The following ASF1B variants were observed in gnomAD, a reference collection of about 807,000 sequenced individuals.
ASF1B encodes the protein histone chaperone ASF1B.
Under a neutral mutation model 16.6 loss-of-function variants are expected in ASF1B, and 10 were observed. That is an observed-to-expected ratio of 0.60 (90% CI 0.37 to 1.02). The LOEUF (loss-of-function observed/expected upper bound fraction) is 1.02. Ranked by LOEUF, ASF1B falls within the 50% of genes least tolerant of loss-of-function variation. The pLI is 0.01. For missense variants in ASF1B, 240 were observed against 266.0 expected (o/e 0.90, Z 0.68); for synonymous variants, 101 against 106.2 (o/e 0.95, Z 0.30).
chr19:14,122,684 C>T (rs1967258713), intron 2 of ASF1B, among the ~76,000 whole-genome samples: 1 of 152,158 alleles, frequency 6.6e-6, no homozygotes. Context: ...GATGGAAACA[C>T]AGAATCAATC....
chr19:14,120,586 T>A lies in ASF1B; in HGVS notation c.482A>T (p.Glu161Val). 6.2e-7 allele frequency: 1 copy of A among 1,614,080 alleles called. No individual in the cohort carries two copies. The highest frequency in any genetic ancestry group is 8.5e-7 in the Non-Finnish European group (1 of 1,180,002). The change falls in exon 4 of 4, where the codon GAG becomes GTG. Residue 161 changes from glutamate (E) to valine (V), a missense_variant. By Grantham distance (121) the Glu-to-Val change is moderately radical. Transcript: ENST00000263382. ...INWDNNMDRL[E>V]AIETQDPSLG... ...GGAGGGGTCCTGGGTCTCTATGGCCTCCAGCCTGTCCATGTTGTTGTCCCA... is the reference window on the plus strand; with the variant it reads ...GGAGGGGTCCTGGGTCTCTATGGCCACCAGCCTGTCCATGTTGTTGTCCCA...
intron 1 of ASF1B, among the ~76,000 whole-genome samples, chr19:14,127,824 G>A (rs1967341728): frequency 6.6e-6 from 1 of 152,152 alleles, no homozygotes; most frequent in African/African-American, 2.4e-5. Flanking sequence ...TTTTAGTAGA[G>A]ATGGGGTTTC....
At chr19:14,126,596 T>A (rs1967322141) in intron 1 of ASF1B, among the ~76,000 whole-genome samples, 1 of 152,124 alleles carries the variant, frequency 6.6e-6, no homozygotes, top group African/African-American at 2.4e-5. Context: ...CTCAGCCTAC[T>A]GAGTAGCTGG....
intron 2 of ASF1B, among the ~76,000 whole-genome samples, chr19:14,123,602 A>G (rs1400154817): frequency 6.6e-6 from 1 of 151,724 alleles, no homozygotes; most frequent in Non-Finnish European, 1.5e-5. Flanking sequence ...AGATGGTCTC[A>G]ATCTCCTGAC....
At chr19:14,123,315 C>T (rs1177342347) in intron 2 of ASF1B, among the ~76,000 whole-genome samples, 2 of 151,284 alleles carry the variant, frequency 1.3e-5, no homozygotes, top group African/African-American at 4.9e-5. Context: ...GGAGTGTATC[C>T]GAGCAGAGGA....
At position 14,120,432 on chromosome 19, in the gene ASF1B, G is replaced by A. The variant is rs781566713; in HGVS notation, c.*27C>T. ...GGGAGGCCTGGTTGCCCCTCCCGGC[G>A]TGCTGGGACACTCTGGGTTCCTGCA... On this transcript the variant is annotated 3_prime_UTR_variant, in exon 4 of 4. Coordinates refer to ENST00000263382, the MANE Select transcript of ASF1B (RefSeq NM_018154.3). The A allele has an allele frequency of 1.7e-5, 27 of 1,609,498 alleles. No homozygotes were observed. In the South Asian group the frequency reaches 2.3e-4, roughly 14 times the overall value.
chr19:14,120,425 T>C lies in ASF1B; in HGVS notation c.*34A>G. ...ACTCGCTGGGAGGCCTGGTTGCCCC[T>C]CCCGGCGTGCTGGGACACTCTGGGT... On this transcript the variant is annotated 3_prime_UTR_variant, in exon 4 of 4. Coordinates refer to ENST00000263382, the MANE Select transcript of ASF1B (RefSeq NM_018154.3). 1.2e-6 allele frequency: 2 copies of C among 1,607,186 alleles called. No individual in the cohort carries two copies. Among genetic ancestry groups the C allele is most frequent in the East Asian group, 2.2e-5 (1 of 44,776 alleles).
At chr19:14,127,628 G>A (rs190669511) in intron 1 of ASF1B, among the ~76,000 whole-genome samples, 72 of 150,700 alleles carry the variant, frequency 4.8e-4, no homozygotes, top group African/African-American at 1.7e-3. Context: ...GTGGCATCCC[G>A]GGGTGATCCT....
At chr19:14,136,005 C>G (rs1967489719) in intron 1 of ASF1B, among the ~76,000 whole-genome samples, 1 of 150,228 alleles carries the variant, frequency 6.7e-6, no homozygotes, top group Admixed American at 6.6e-5. Flanking sequence ...TGAGGTTCCC[C>G]ACGCGGGAAA....
rs549023648 is a variant in ASF1B, at chr19:14,129,678, CAAAAAAAAAAAAAAA to C, written c.110-3456_110-3442del. ...CCTGGGCAACAGAGCCAGCCTCCGTCAAAAAAAAAAAAAAAAAAAAAAAAAAAAAAAAGAAGAAAG... is the reference window on the plus strand; with the variant it reads ...CCTGGGCAACAGAGCCAGCCTCCGTCAAAAAAAAAAAAAAAAAGAAGAAAG... On this transcript the variant is annotated intron_variant, in intron 1 of 3. Transcript: ENST00000263382. 9.0e-4 allele frequency among the ~76,000 whole-genome samples: 31 copies of C among 34,630 alleles called. No individual in the cohort carries two copies. The East Asian group carries it at 0.017, about 19-fold the overall frequency. The allele number at this position is 34,630 out of a possible 152,430, so 22.7% of individuals were successfully genotyped here. A position where few individuals can be genotyped will look rare whatever the true frequency, so the allele number is the denominator to read the frequency against.
chr19:14,120,708 C>T, intron 3 of ASF1B, 43 bp from the exon 4 acceptor site: 1 of 1,595,702 alleles, frequency 6.3e-7, no homozygotes. Context: ...GGTACGCCCT[C>T]TCCTTGGTCC....
rs1967201600 is a variant in ASF1B, at chr19:14,119,565, T to C, written c.*894A>G. 1 of 152,652 alleles carries C rather than the reference T, an allele frequency of 6.6e-6. No individual in the cohort carries two copies. Among genetic ancestry groups the C allele is most frequent in the Admixed American group, 6.5e-5 (1 of 15,284 alleles). 9.5% of individuals were successfully genotyped at this position (152,652 alleles called of 1,614,324 possible). On this transcript the variant is annotated 3_prime_UTR_variant, in exon 4 of 4. Coordinates refer to ENST00000263382, the MANE Select transcript of ASF1B (RefSeq NM_018154.3). ...ACCAAACATTTTTAATATAAAAACA[T>C]TTTGATAATATACAAACAGCAATCA...
At chr19:14,131,102 T>A (rs1967397279) in intron 1 of ASF1B, among the ~76,000 whole-genome samples, 1 of 151,772 alleles carries the variant, frequency 6.6e-6, no homozygotes. Flanking sequence ...GGTCTCAAAC[T>A]CCTGACCTCA....
chr19:14,132,078 A>C (rs867190556), intron 1 of ASF1B, among the ~76,000 whole-genome samples: 1 of 122,434 alleles, frequency 8.2e-6, no homozygotes, highest in Middle Eastern at 6.9e-3. Flanking sequence ...CCCAGGTTGG[A>C]GTGCAGTGGT....
chr19:14,126,935 ATTT>A (rs774459116), intron 1 of ASF1B, among the ~76,000 whole-genome samples: 3 of 151,964 alleles, frequency 2.0e-5, no homozygotes, highest in South Asian at 2.1e-4. Flanking sequence ...TTATTTACTT[ATTT>A]TTTGAGACAG....
At chr19:14,132,659 G>C (rs1423199857) in intron 1 of ASF1B, among the ~76,000 whole-genome samples, 1 of 151,872 alleles carries the variant, frequency 6.6e-6, no homozygotes, top group Non-Finnish European at 1.5e-5. Flanking sequence ...CTCTACTAAA[G>C]ACACAAAAAT....
chr19:14,121,619 C>A lies in ASF1B; in HGVS notation c.315G>T (p.Glu105Asp), dbSNP rs1268360579. Residue 105 changes from glutamate (E) to aspartate (D), a missense_variant, in exon 3 of 4, where the codon GAG becomes GAT. Glu to Asp is a conservative substitution (Grantham distance 45). Coordinates refer to ENST00000263382, the MANE Select transcript of ASF1B (RefSeq NM_018154.3). The part of the protein sequence containing the change: ...VLITCTYHGQ[E>D]FIRVGYYVNN... ...TGACGTAGTAGCCCACTCGGATGAA[C>A]TCCTGTCCATGGTAGGTGCAGGTGA... 6.2e-7 allele frequency: 1 copy of A among 1,614,058 alleles called. No homozygotes were observed. The highest frequency in any genetic ancestry group is 1.1e-5 in the South Asian group (1 of 91,086).
intron 1 of ASF1B, 21 bp downstream of exon 1, chr19:14,136,327 C>A: frequency 6.2e-7 from 1 of 1,602,736 alleles, no homozygotes. Flanking sequence ...GGTGGGGGTC[C>A]CCGCACAGGC....
chr19:14,120,924 G>A (rs1225666918), intron 3 of ASF1B, among the ~76,000 whole-genome samples: 9 of 151,960 alleles, frequency 5.9e-5, no homozygotes, highest in African/African-American at 1.2e-4. Flanking sequence ...GGGTTCAAGC[G>A]ATTCTCTTGC....
Sources: allele counts gnomAD v4.1 joint callset (sites outside exome capture counted in the v4.1 genomes callset), GRCh38; gene constraint gnomAD v4.1.1; transcripts MANE v1.5; gene names NCBI Gene and HGNC (gene_info 2026-07-23, HGNC 2026-07-21).